STX8: variants seen among roughly 807,000 people sequenced by gnomAD.
The protein encoded by STX8 is syntaxin-8.
A neutral mutation model predicts 37.5 loss-of-function variants in STX8; 23 were observed. The observed-to-expected ratio is 0.61, with a 90% CI of 0.44 to 0.87. The LOEUF is 0.87. Among genes scored for constraint, STX8 ranks in the 40% least tolerant of loss-of-function variants. STX8 has a pLI of 0.00. For synonymous variants in STX8, 115 were observed against 99.1 expected, an observed-to-expected ratio of 1.16 and a Z score of -0.95; for missense variants, 313 against 284.7, an observed-to-expected ratio of 1.10 and a Z score of -0.71.
At chr17:9,344,632 C>T (rs1488590365) in intron 7 of STX8, among the ~76,000 whole-genome samples, 1 of 152,180 alleles carries the variant, frequency 6.6e-6, no homozygotes, top group Non-Finnish European at 1.5e-5. Flanking sequence ...CCCCACACTG[C>T]TGTCTCTGGC....
intron 7 of STX8, among the ~76,000 whole-genome samples, chr17:9,308,349 C>A (rs1319704337): frequency 1.3e-5 from 2 of 152,154 alleles, no homozygotes; most frequent in Non-Finnish European, 2.9e-5. Flanking sequence ...CCAGCTCCTA[C>A]ACAGAAAGGC....
At chr17:9,282,464 C>G (rs1347117314) in intron 7 of STX8, among the ~76,000 whole-genome samples, 1 of 152,194 alleles carries the variant, frequency 6.6e-6, no homozygotes, top group Non-Finnish European at 1.5e-5. Context: ...AATCCCTCCT[C>G]TTTGCCTTGG....
At chr17:9,347,739 A>G (rs1910579871) in intron 7 of STX8, among the ~76,000 whole-genome samples, 1 of 152,166 alleles carries the variant, frequency 6.6e-6, no homozygotes, top group Non-Finnish European at 1.5e-5. Flanking sequence ...CTGATTCTAG[A>G]ACTTTTCATC....
At chr17:9,517,734 G>A (rs1341819709) in intron 4 of STX8, among the ~76,000 whole-genome samples, 1 of 140,396 alleles carries the variant, frequency 7.1e-6, no homozygotes, top group Non-Finnish European at 1.5e-5. Flanking sequence ...CAGGAGGACT[G>A]TTTGAGCCCA....
intron 7 of STX8, among the ~76,000 whole-genome samples, chr17:9,271,748 C>CAAAAA (rs71135959): frequency 3.0e-4 from 19 of 63,336 alleles, no homozygotes; most frequent in East Asian, 1.2e-3. Context: ...GACTCCATCT[C>CAAAAA]AAAAAAAAAA....
chr17:9,496,075 C>CT (rs10556314), intron 5 of STX8, among the ~76,000 whole-genome samples: 9 of 138,022 alleles, frequency 6.5e-5, no homozygotes, highest in Non-Finnish European at 1.1e-4. Flanking sequence ...TTTTCTTTCT[C>CT]TTTTTTTTTT....
At chr17:9,344,467 G>A (rs372368704) in intron 7 of STX8, among the ~76,000 whole-genome samples, 4 of 151,948 alleles carry the variant, frequency 2.6e-5, no homozygotes, top group Non-Finnish European at 5.9e-5. Flanking sequence ...CGCCATGTTG[G>A]TCAGGCTGGT....
intron 6 of STX8, among the ~76,000 whole-genome samples, chr17:9,424,232 G>A (rs575766612): frequency 3.3e-5 from 5 of 152,038 alleles, no homozygotes; most frequent in East Asian, 3.9e-4. Flanking sequence ...CAGGGTGGCC[G>A]GGCAGCCAGG....
intron 7 of STX8, among the ~76,000 whole-genome samples, chr17:9,322,099 C>T (rs1043780807): frequency 3.9e-5 from 6 of 152,218 alleles, no homozygotes; most frequent in Non-Finnish European, 7.3e-5. Flanking sequence ...AGAATACGTT[C>T]GTCCCAGGGC....
chr17:9,338,848 G>A (rs1348276159), intron 7 of STX8, among the ~76,000 whole-genome samples: 2 of 151,970 alleles, frequency 1.3e-5, no homozygotes. Flanking sequence ...GAGGCGGGTG[G>A]ATCACAAGGT....
intron 7 of STX8, among the ~76,000 whole-genome samples, chr17:9,337,651 G>A (rs572841754): frequency 3.9e-5 from 6 of 152,350 alleles, no homozygotes; most frequent in African/African-American, 1.4e-4. Flanking sequence ...ACAGGCGTAA[G>A]CCACTGTGCC....
intron 7 of STX8, among the ~76,000 whole-genome samples, chr17:9,330,461 G>A (rs1909924495): frequency 6.6e-6 from 1 of 152,204 alleles, no homozygotes; most frequent in South Asian, 2.1e-4. Flanking sequence ...AGCCTCCGAG[G>A]ATGCTGGTTA....
intron 7 of STX8, among the ~76,000 whole-genome samples, chr17:9,296,117 G>A (rs1597589473): frequency 6.6e-6 from 1 of 152,174 alleles, no homozygotes; most frequent in Admixed American, 6.5e-5. Context: ...GCGAACCCGG[G>A]AGGCGGAGAT....
chr17:9,563,467 A>C (rs1907333292), intron 2 of STX8, among the ~76,000 whole-genome samples: 1 of 152,148 alleles, frequency 6.6e-6, no homozygotes, highest in Non-Finnish European at 1.5e-5. Context: ...TACAGGCGTG[A>C]GTCACCGCGC....
chr17:9,572,753 CT>C (rs1483174854), intron 1 of STX8, among the ~76,000 whole-genome samples: 3 of 152,098 alleles, frequency 2.0e-5, no homozygotes, highest in Admixed American at 6.6e-5. Context: ...TTCTACCCCC[CT>C]AATCAGCGAC....
chr17:9,487,872 A>G (rs909939516), intron 6 of STX8, among the ~76,000 whole-genome samples: 1 of 152,224 alleles, frequency 6.6e-6, no homozygotes, highest in African/African-American at 2.4e-5. Context: ...ATGTGAGCAT[A>G]TAAGAACCAA....
At chr17:9,324,618 A>C (rs1909694161) in intron 7 of STX8, among the ~76,000 whole-genome samples, 2 of 151,988 alleles carry the variant, frequency 1.3e-5, no homozygotes, top group South Asian at 4.2e-4. Context: ...CAAAAAAATT[A>C]GCTGGGCGTG....
intron 4 of STX8, among the ~76,000 whole-genome samples, chr17:9,540,052 A>T (rs1906214499): frequency 6.6e-6 from 1 of 152,166 alleles, no homozygotes; most frequent in Non-Finnish European, 1.5e-5. Context: ...GAAGTTGGGG[A>T]AAGAAGGGGA....
At chr17:9,259,077 C>T (rs72814139) in intron 7 of STX8, among the ~76,000 whole-genome samples, 28,198 of 152,154 alleles carry the variant, frequency 0.19, 3,128 homozygotes, top group Middle Eastern at 0.27. Context: ...CAGTCTGGTG[C>T]GGTGGAAGGG....
Sources: allele counts gnomAD v4.1 joint callset (sites outside exome capture counted in the v4.1 genomes callset), GRCh38; gene constraint gnomAD v4.1.1; transcripts MANE v1.5; gene names NCBI Gene and HGNC (gene_info 2026-07-23, HGNC 2026-07-21).